FHIT: variants seen among roughly 807,000 people sequenced by gnomAD.
The protein encoded by FHIT is fragile histidine triad diadenosine triphosphatase.
FHIT carries 19 observed loss-of-function variants against 17.9 expected under a neutral mutation model. The observed-to-expected ratio is 1.06, with a 90% confidence interval of 0.74 to 1.56. The LOEUF is 1.56. FHIT is among the 40% of genes most tolerant of loss of function. FHIT has a pLI of 0.00. For synonymous variants in FHIT, 81 were observed against 69.7 expected (o/e 1.16, Z -0.81); for missense variants, 248 against 189.2 (o/e 1.31, Z -1.82).
chr3:60,990,735 A>G (rs2030127751), intron 3 of FHIT, among the ~76,000 whole-genome samples: 1 of 152,230 alleles, frequency 6.6e-6, no homozygotes, highest in Non-Finnish European at 1.5e-5. Context: ...CATAAAATTA[A>G]TAATGTGCCC....
At chr3:60,029,256 T>A (rs9869016) in intron 5 of FHIT, among the ~76,000 whole-genome samples, 35,263 of 152,102 alleles carry the variant, frequency 0.23, 4,319 homozygotes, top group East Asian at 0.47. Context: ...TAAGTGGACA[T>A]TGCATGGTTT....
intron 5 of FHIT, among the ~76,000 whole-genome samples, chr3:60,204,379 C>A (rs1703060712): frequency 6.6e-6 from 1 of 152,158 alleles, no homozygotes; most frequent in Non-Finnish European, 1.5e-5. Context: ...AAGCGATCCT[C>A]CCACCTCAGC....
chr3:60,710,826 G>T (rs1327027592), intron 4 of FHIT, among the ~76,000 whole-genome samples: 1 of 152,200 alleles, frequency 6.6e-6, no homozygotes, highest in African/African-American at 2.4e-5. Flanking sequence ...GCCTCTGTAG[G>T]CTCCACCTCT....
chr3:60,339,043 T>G (rs531753998), intron 5 of FHIT, among the ~76,000 whole-genome samples: 1 of 152,166 alleles, frequency 6.6e-6, no homozygotes, highest in African/African-American at 2.4e-5. Flanking sequence ...AACTTTACAT[T>G]TGCTATTTCT....
intron 5 of FHIT, among the ~76,000 whole-genome samples, chr3:60,202,981 A>C (rs1553711222): frequency 1.3e-5 from 2 of 148,514 alleles, no homozygotes; most frequent in Non-Finnish European, 3.0e-5. Context: ...TGACAGAATA[A>C]TTTGTTTGAC....
At chr3:61,137,979 C>T (rs573958670) in intron 2 of FHIT, among the ~76,000 whole-genome samples, 2 of 152,328 alleles carry the variant, frequency 1.3e-5, no homozygotes, top group East Asian at 1.9e-4. Flanking sequence ...CAAGTATGAG[C>T]TCATACTACC....
chr3:60,251,012 A>G lies in FHIT; in HGVS notation c.104-236860T>C, dbSNP rs528386964. ...TCCTTTACCCACGTGGTTTGTAAGT[A>G]GCCCTGGGAGATGTGCAAACAAACT... On this transcript the variant is annotated intron_variant, in intron 5 of 9. Transcript: ENST00000492590. Among the ~76,000 whole-genome samples, 18 of 152,334 alleles carry G rather than the reference A, an allele frequency of 1.2e-4. No individual in the cohort carries two copies. The South Asian group carries it at 3.7e-3, about 32-fold the overall frequency.
At chr3:60,377,854 C>T (rs1197931494) in intron 5 of FHIT, among the ~76,000 whole-genome samples, 1 of 152,118 alleles carries the variant, frequency 6.6e-6, no homozygotes, top group African/African-American at 2.4e-5. Context: ...TGATTGAGGA[C>T]ACAGGGTTTA....
At chr3:59,780,075 A>T (rs1702507062) in intron 8 of FHIT, among the ~76,000 whole-genome samples, 1 of 152,156 alleles carries the variant, frequency 6.6e-6, no homozygotes, top group South Asian at 2.1e-4. Flanking sequence ...GACACTATCT[A>T]TGGGTCCCTG....
intron 3 of FHIT, among the ~76,000 whole-genome samples, chr3:60,960,665 T>C (rs1221345544): frequency 6.6e-6 from 1 of 152,164 alleles, no homozygotes; most frequent in East Asian, 1.9e-4. Flanking sequence ...AATTCCCACC[T>C]ATGAGTGAGA....
At chr3:60,144,392 A>G in intron 5 of FHIT, among the ~76,000 whole-genome samples, 1 of 152,098 alleles carries the variant, frequency 6.6e-6, no homozygotes, top group Admixed American at 6.5e-5. Context: ...ATTTTTATTC[A>G]TTTCTCCAAC....
At chr3:61,041,312 A>G (rs953615432) in intron 3 of FHIT, among the ~76,000 whole-genome samples, 11 of 151,970 alleles carry the variant, frequency 7.2e-5, no homozygotes, top group East Asian at 1.9e-4. Context: ...GGGAGGCAGA[A>G]GTTGCGGTGA....
At chr3:60,447,752 A>T (rs1052486479) in intron 5 of FHIT, among the ~76,000 whole-genome samples, 1 of 152,194 alleles carries the variant, frequency 6.6e-6, no homozygotes, top group Non-Finnish European at 1.5e-5. Flanking sequence ...TGCAGCTGCC[A>T]GTAATAATTC....
intron 3 of FHIT, among the ~76,000 whole-genome samples, chr3:60,996,233 G>A (rs899529508): frequency 7.2e-5 from 11 of 152,270 alleles, no homozygotes; most frequent in African/African-American, 2.2e-4. Context: ...GATGGTGGGA[G>A]GTAGATTGTT....
intron 5 of FHIT, among the ~76,000 whole-genome samples, chr3:60,152,339 G>A (rs1197214690): frequency 6.6e-6 from 1 of 152,112 alleles, no homozygotes; most frequent in African/African-American, 2.4e-5. Context: ...TCAACAACTT[G>A]ACTACATTTT....
At chr3:60,744,253 A>AAT (rs1559687974) in intron 4 of FHIT, among the ~76,000 whole-genome samples, 1 of 72,590 alleles carries the variant, frequency 1.4e-5, no homozygotes, top group African/African-American at 7.6e-5. Context: ...ATGTAAAAAA[A>AAT]AAAACAAAAC....
intron 3 of FHIT, among the ~76,000 whole-genome samples, chr3:60,934,869 G>C (rs1708119631): frequency 6.6e-6 from 1 of 152,140 alleles, no homozygotes; most frequent in Non-Finnish European, 1.5e-5. Context: ...GAAGCACAAA[G>C]GGCTGAGGTA....
intron 5 of FHIT, among the ~76,000 whole-genome samples, chr3:60,275,819 T>C (rs532398544): frequency 1.3e-5 from 2 of 152,312 alleles, no homozygotes; most frequent in Non-Finnish European, 1.5e-5. Context: ...GCATCAGTCC[T>C]ATCCTACACA....
rs540757036 is a variant in FHIT at position 60,983,132 on chromosome 3, C to T, written c.-111+58915G>A. 1.2e-4 allele frequency among the ~76,000 whole-genome samples: 14 copies of T among 121,196 alleles called. No homozygotes were observed. In the South Asian group the frequency reaches 1.7e-3, roughly 14 times the overall value. The allele number at this position is 121,196 out of a possible 152,430, so 79.5% of individuals were successfully genotyped here. A position where few individuals can be genotyped will look rare whatever the true frequency, so the allele number is the denominator to read the frequency against. ...TTTATCTCAATCCGATTTACCTTCT[C>T]TCTTGTGTGTGTGTGTGTGTGTGTG... On this transcript the variant is annotated intron_variant, in intron 3 of 9. Coordinates refer to ENST00000492590, the MANE Select transcript of FHIT (RefSeq NM_002012.4).
Sources: gnomAD v4.1 joint callset for allele counts (sites outside exome capture counted in the v4.1 genomes callset) on GRCh38, gnomAD v4.1.1 for gene constraint, MANE v1.5 for transcripts, NCBI Gene and HGNC (gene_info 2026-07-23, HGNC 2026-07-21) for gene names.